LPP: variants seen among roughly 807,000 people sequenced by gnomAD.
LPP encodes the protein lipoma-preferred partner.
A neutral mutation model predicts 60.4 loss-of-function variants in LPP; 38 were observed. The ratio of observed to expected loss-of-function variants is 0.63; its 90% CI spans 0.49 to 0.83. LPP has a LOEUF of 0.83. Ranked by LOEUF, LPP falls within the 40% of genes least tolerant of loss-of-function variation. The probability of loss-of-function intolerance (pLI) is 0.00; values close to 1 mark genes in which losing one functional copy is unlikely to be tolerated. For synonymous variants in LPP, 328 were observed against 290.8 expected (o/e 1.13, Z -1.30); for missense variants, 902 against 783.6 (o/e 1.15, Z -1.80).
At chr3:188,646,861 A>C (rs1851198642) in intron 7 of LPP, among the ~76,000 whole-genome samples, 1 of 152,224 alleles carries the variant, frequency 6.6e-6, no homozygotes, top group Non-Finnish European at 1.5e-5. Flanking sequence ...AGGAACAAAC[A>C]AATACAGTCT....
intron 6 of LPP, among the ~76,000 whole-genome samples, chr3:188,540,895 A>T (rs1824983972): frequency 6.6e-6 from 1 of 152,192 alleles, no homozygotes; most frequent in Non-Finnish European, 1.5e-5. Flanking sequence ...ATCTGAGGAC[A>T]TCTCTCTGTT....
chr3:188,757,581 G>C (rs994710679), intron 8 of LPP, among the ~76,000 whole-genome samples: 3 of 152,166 alleles, frequency 2.0e-5, no homozygotes, highest in African/African-American at 7.2e-5. Context: ...GGGGAAGTGT[G>C]GTCCACAGAT....
At chr3:188,380,677 G>T (rs917563417) in intron 3 of LPP, among the ~76,000 whole-genome samples, 1 of 152,160 alleles carries the variant, frequency 6.6e-6, no homozygotes, top group African/African-American at 2.4e-5. Flanking sequence ...TTAAATTAAG[G>T]TTTAGTGGTC....
At chr3:188,436,842 G>A (rs1421250583) in intron 4 of LPP, among the ~76,000 whole-genome samples, 1 of 152,148 alleles carries the variant, frequency 6.6e-6, no homozygotes, top group Non-Finnish European at 1.5e-5. Context: ...GATGGGTAGT[G>A]GGATGGTGAG....
chr3:188,739,225 G>C (rs1011593444), intron 8 of LPP, among the ~76,000 whole-genome samples: 2 of 151,958 alleles, frequency 1.3e-5, no homozygotes, highest in Non-Finnish European at 2.9e-5. Context: ...AGTTTTAAAC[G>C]GGCAATCCAC....
chr3:188,435,513 G>C (rs996185913), intron 4 of LPP, among the ~76,000 whole-genome samples: 1 of 152,044 alleles, frequency 6.6e-6, no homozygotes, highest in Non-Finnish European at 1.5e-5. Flanking sequence ...TTCTCTGTTG[G>C]GGGGAGGGGG....
intron 2 of LPP, among the ~76,000 whole-genome samples, chr3:188,273,589 C>CTTTTTTTTTTTTTTT (rs11380757): frequency 6.2e-5 from 5 of 80,420 alleles, no homozygotes; most frequent in East Asian, 4.7e-4. Context: ...TATTTTATAT[C>CTTTTTTTTTTTTTTT]TTTTTTTTTT....
At chr3:188,477,680 AT>A (rs1266012509) in intron 4 of LPP, among the ~76,000 whole-genome samples, 3 of 152,224 alleles carry the variant, frequency 2.0e-5, no homozygotes, top group African/African-American at 7.2e-5. Context: ...TTTAAAAATT[AT>A]AAATGGGTAA....
Position 188,708,316 on chromosome 3 carries a change from G to T in LPP, c.1163G>T (p.Arg388Leu). 3 of 1,614,098 alleles carry T rather than the reference G, an allele frequency of 1.9e-6. No individual in the cohort carries two copies. The highest frequency in any genetic ancestry group is 1.1e-5 in the South Asian group (1 of 91,078). ...LGPSSVAPSFRPEDELEHLTK... is the reference protein window; with the variant it reads ...LGPSSVAPSFLPEDELEHLTK... ...CCTTCGTCAGTTGCCCCTTCATTCC[G>T]CCCAGAGGATGAGCTTGAGCACCTG... Residue 388 changes from arginine to leucine, a missense_variant, in exon 8 of 12, where the codon CGC (arginine) becomes CTC (leucine). Coordinates refer to ENST00000617246, the MANE Select transcript of LPP (RefSeq NM_001375462.1).
chr3:188,597,574 G>T (rs1840226890), intron 6 of LPP, among the ~76,000 whole-genome samples: 1 of 152,108 alleles, frequency 6.6e-6, no homozygotes, highest in Admixed American at 6.6e-5. Flanking sequence ...CTACAGCTAA[G>T]AAACCCAATG....
At chr3:188,603,769 A>T (rs1841898486) in intron 6 of LPP, among the ~76,000 whole-genome samples, 1 of 152,166 alleles carries the variant, frequency 6.6e-6, no homozygotes, top group South Asian at 2.1e-4. Flanking sequence ...AATAATTGTC[A>T]TGAAAATATA....
intron 4 of LPP, among the ~76,000 whole-genome samples, chr3:188,480,396 C>T (rs1310462706): frequency 6.6e-6 from 1 of 152,232 alleles, no homozygotes; most frequent in Non-Finnish European, 1.5e-5. Flanking sequence ...CTCAGCATCT[C>T]TCCAAGAGTG....
In LPP at chr3:188,345,551, A is replaced by G. The variant is rs1764113470; in HGVS notation, c.-10+3832A>G. ...GATTTATAAGCAAGAGGACAGAAGA[A>G]TAATAGCCAACACAATGAAGTCTAG... On this transcript the variant is annotated intron_variant, in intron 3 of 11. Transcript: ENST00000617246. Among the ~76,000 whole-genome samples the G allele has an allele frequency of 2.0e-5, 3 of 152,312 alleles. No individual in the cohort carries two copies. In the South Asian group the frequency reaches 6.2e-4, roughly 32 times the overall value.
At chr3:188,645,709 T>C (rs1032435970) in intron 7 of LPP, among the ~76,000 whole-genome samples, 15 of 152,110 alleles carry the variant, frequency 9.9e-5, no homozygotes, top group African/African-American at 3.4e-4. Context: ...TAGGAAAATA[T>C]TTTTAAAGGG....
intron 4 of LPP, among the ~76,000 whole-genome samples, chr3:188,429,269 T>C (rs932739091): frequency 9.9e-5 from 15 of 152,180 alleles, no homozygotes; most frequent in Non-Finnish European, 1.5e-5. Context: ...AACAATACTT[T>C]AGAAATGATA....
intron 7 of LPP, among the ~76,000 whole-genome samples, chr3:188,671,500 C>T (rs1232241072): frequency 6.6e-6 from 1 of 152,132 alleles, no homozygotes; most frequent in African/African-American, 2.4e-5. Flanking sequence ...TTAATGCCTT[C>T]CCCTCCCCCT....
intron 1 of LPP, among the ~76,000 whole-genome samples, chr3:188,195,260 A>AAAAC: frequency 6.6e-6 from 1 of 151,942 alleles, no homozygotes; most frequent in East Asian, 1.9e-4. Flanking sequence ...ACTCTGTCAA[A>AAAAC]AAAAAAAAGA....
At chr3:188,694,610 G>A (rs1862810845) in intron 7 of LPP, among the ~76,000 whole-genome samples, 1 of 151,742 alleles carries the variant, frequency 6.6e-6, no homozygotes, top group Admixed American at 6.6e-5. Context: ...GCTGAGGCAG[G>A]AGAATCACTT....
intron 6 of LPP, among the ~76,000 whole-genome samples, chr3:188,589,021 C>T (rs1030032416): frequency 6.6e-6 from 1 of 151,992 alleles, no homozygotes; most frequent in African/African-American, 2.4e-5. Context: ...CTTCTTGAGT[C>T]CATGGACTTC....
Sources: allele counts gnomAD v4.1 joint callset (sites outside exome capture counted in the v4.1 genomes callset), GRCh38; gene constraint gnomAD v4.1.1; transcripts MANE v1.5; gene names NCBI Gene and HGNC (gene_info 2026-07-23, HGNC 2026-07-21).